Variants in AMMECR1 observed in about 807,000 individuals in gnomAD.
AMMECR1 encodes AMMECR nuclear protein 1, also known as nuclear protein AMMECR1.
In AMMECR1, 3 loss-of-function variants were observed where a neutral mutation model predicts 22.5. The observed-to-expected ratio is 0.13, with a 90% CI of 0.06 to 0.35. The LOEUF (loss-of-function observed/expected upper bound fraction) is 0.35, where lower values mean the gene tolerates loss of function less well. AMMECR1 is among the 10% of genes least tolerant of loss of function. The probability of loss-of-function intolerance (pLI) is 1.00; values close to 1 mark genes in which losing one functional copy is unlikely to be tolerated. For missense variants in AMMECR1, 235 were observed against 278.7 expected, an observed-to-expected ratio of 0.84 and a Z score of 1.12; for synonymous variants, 130 against 116.7, an observed-to-expected ratio of 1.11 and a Z score of -0.74.
chrX:110,260,015 T>C (rs964005083), intron 2 of AMMECR1, among the ~76,000 whole-genome samples: 1 of 111,964 alleles, frequency 8.9e-6, no homozygotes, highest in African/African-American at 3.2e-5. Context: ...ATAAAAGCCA[T>C]AAACACAATA....
chrX:110,426,675 G>A (rs1256912566), exon 2 of AMMECR1: 3 of 111,966 alleles, frequency 2.7e-5, no homozygotes, highest in Admixed American at 1.9e-4. Context: ...AATTCCAGAG[G>A]AGCAGGCTTC....
chrX:110,268,509 A>G, intron 1 of AMMECR1, among the ~76,000 whole-genome samples: 1 of 112,487 alleles, frequency 8.9e-6, no homozygotes, highest in East Asian at 2.8e-4. Context: ...GAATCCGGGA[A>G]GTTAAGCATT....
chrX:110,415,365 G>A (rs926244978), intron 2 of AMMECR1, among the ~76,000 whole-genome samples: 12 of 112,496 alleles, frequency 1.1e-4, no homozygotes, highest in Non-Finnish European at 2.1e-4. Context: ...GATAAAGACT[G>A]GAAGAGAACT....
intron 2 of AMMECR1, among the ~76,000 whole-genome samples, chrX:110,386,367 TA>T (rs1003281896): frequency 9.1e-6 from 1 of 110,348 alleles, no homozygotes; most frequent in Non-Finnish European, 1.9e-5. Flanking sequence ...ATTTATTTTT[TA>T]TTATAGCCAT....
intron 3 of AMMECR1, among the ~76,000 whole-genome samples, chrX:110,203,094 T>G (rs2067405070): frequency 8.9e-6 from 1 of 112,236 alleles, no homozygotes; most frequent in African/African-American, 3.2e-5. Flanking sequence ...CATCACCCAG[T>G]GTAGACAGCA....
intron 1 of AMMECR1, among the ~76,000 whole-genome samples, chrX:110,429,828 T>C (rs1157681363): frequency 8.9e-6 from 1 of 112,726 alleles, no homozygotes; most frequent in Non-Finnish European, 1.9e-5. Flanking sequence ...GGCAATGTTT[T>C]CAAAATCTTT....
intron 2 of AMMECR1, among the ~76,000 whole-genome samples, chrX:110,341,792 C>T (rs190443349): frequency 2.4e-4 from 27 of 112,543 alleles, no homozygotes; most frequent in Non-Finnish European, 4.7e-4. Flanking sequence ...AGGCCAGGCT[C>T]GGTGGCTCAC....
upstream of AMMECR1, among the ~76,000 whole-genome samples, chrX:110,322,365 A>G (rs935223658): frequency 8.9e-5 from 10 of 111,943 alleles, no homozygotes; most frequent in African/African-American, 3.2e-4. Context: ...GAAGGTGTCT[A>G]CTATAGTTTG....
At chrX:110,212,691 A>C (rs1272320019) in intron 3 of AMMECR1, among the ~76,000 whole-genome samples, 1 of 111,878 alleles carries the variant, frequency 8.9e-6, no homozygotes, top group Non-Finnish European at 1.9e-5. Flanking sequence ...TTAGTGTGAA[A>C]ATTCTCGTGA....
intron 2 of AMMECR1, among the ~76,000 whole-genome samples, chrX:110,353,675 A>G (rs1382024563): frequency 8.9e-6 from 1 of 112,013 alleles, no homozygotes; most frequent in South Asian, 3.7e-4. Context: ...GTGGTCAGAA[A>G]AAATAATATA....
chrX:110,203,273 T>C (rs2067406100), intron 3 of AMMECR1, among the ~76,000 whole-genome samples: 1 of 111,928 alleles, frequency 8.9e-6, no homozygotes, highest in Admixed American at 9.5e-5. Context: ...GAGACCACTG[T>C]AACTTTTTAA....
At chrX:110,313,758 A>G (rs746869033) in intron 1 of AMMECR1, among the ~76,000 whole-genome samples, 1 of 111,768 alleles carries the variant, frequency 8.9e-6, no homozygotes, top group Non-Finnish European at 1.9e-5. Context: ...AACTAAAACC[A>G]TCCCAAGAAC....
At chrX:110,377,289 T>A (rs1387886109) in intron 2 of AMMECR1, among the ~76,000 whole-genome samples, 1 of 111,592 alleles carries the variant, frequency 9.0e-6, no homozygotes, top group African/African-American at 3.3e-5. Context: ...AATCTTAATA[T>A]CTTTCTATTT....
intron 2 of AMMECR1, among the ~76,000 whole-genome samples, chrX:110,342,691 T>C (rs1156414258): frequency 1.8e-5 from 2 of 112,075 alleles, no homozygotes; most frequent in Non-Finnish European, 3.8e-5. Flanking sequence ...TTCTAGATGA[T>C]TGAATAACAA....
At position 110,428,382 on chromosome X, in the gene AMMECR1, C is replaced by A. The variant is rs145737821; in HGVS notation, c.-293-1579G>T. 7.3e-3 allele frequency among the ~76,000 whole-genome samples: 819 copies of A among 112,032 alleles called. 3 individuals are homozygous for A. The highest frequency in any genetic ancestry group is 0.012 in the Non-Finnish European group (623 of 53,162). Reference sequence around the variant, plus strand: ...AAGTAACTTGAGGTTAGGGACAGAGCCTTGTACATTCCTGTATCCCAGCTC... The same window carrying A: ...AAGTAACTTGAGGTTAGGGACAGAGACTTGTACATTCCTGTATCCCAGCTC... On this transcript the variant is annotated intron_variant, in intron 1 of 7. Coordinates refer to the AMMECR1 transcript ENST00000372057.
chrX:110,328,178 G>C (rs895281659), intron 2 of AMMECR1, among the ~76,000 whole-genome samples: 1 of 111,924 alleles, frequency 8.9e-6, no homozygotes, highest in Non-Finnish European at 1.9e-5. Flanking sequence ...GCTTGGCTGG[G>C]GCTGTAGCAA....
intron 2 of AMMECR1, among the ~76,000 whole-genome samples, chrX:110,340,014 A>G (rs922285076): frequency 6.4e-5 from 7 of 108,780 alleles, no homozygotes; most frequent in African/African-American, 2.4e-4. Context: ...ACACACACAC[A>G]CACACAACAT....
At chrX:110,372,442 A>G (rs1268817473) in intron 2 of AMMECR1, among the ~76,000 whole-genome samples, 1 of 112,075 alleles carries the variant, frequency 8.9e-6, no homozygotes, top group African/African-American at 3.2e-5. Context: ...TTTTATGCAC[A>G]TAAAGGCTTA....
intron 3 of AMMECR1, among the ~76,000 whole-genome samples, chrX:110,212,729 C>A (rs973878633): frequency 1.8e-5 from 2 of 111,531 alleles, no homozygotes; most frequent in African/African-American, 3.3e-5. Context: ...TATAGACTGA[C>A]TTCTCAAAAA....
Sources: allele counts gnomAD v4.1 joint callset (sites outside exome capture counted in the v4.1 genomes callset), GRCh38; gene constraint gnomAD v4.1.1; transcripts MANE v1.5; gene names NCBI Gene and HGNC (gene_info 2026-07-23, HGNC 2026-07-21).